ZNRF1: variants seen among roughly 807,000 people sequenced by gnomAD.
ZNRF1 encodes E3 ubiquitin-protein ligase ZNRF1.
ZNRF1 carries 3 observed loss-of-function variants against 18.4 expected under a neutral mutation model. The ratio of observed to expected loss-of-function variants is 0.16; its 90% CI spans 0.07 to 0.42. The LOEUF (loss-of-function observed/expected upper bound fraction) is 0.42. Ranked by LOEUF, ZNRF1 falls within the 10% of genes least tolerant of loss-of-function variation. ZNRF1 has a pLI of 0.99. For missense variants in ZNRF1, 310 were observed against 329.8 expected, an observed-to-expected ratio of 0.94 and a Z score of 0.47; for synonymous variants, 157 against 144.2, an observed-to-expected ratio of 1.09 and a Z score of -0.64.
At chr16:75,085,819 T>TGAGAGAGA (rs1054739310) in intron 1 of ZNRF1, among the ~76,000 whole-genome samples, 2 of 56,036 alleles carry the variant, frequency 3.6e-5, no homozygotes, top group African/African-American at 1.1e-4. Context: ...AGAGAGAGAG[T>TGAGAGAGA]GAGTGTGTGT....
intron 1 of ZNRF1, among the ~76,000 whole-genome samples, chr16:75,048,433 A>G (rs1241515289): frequency 6.6e-6 from 1 of 152,220 alleles, no homozygotes; most frequent in Admixed American, 6.5e-5. Context: ...CTAACATTGA[A>G]TAATGCTGGC....
intron 1 of ZNRF1, among the ~76,000 whole-genome samples, chr16:75,020,608 C>T (rs997246752): frequency 6.6e-6 from 1 of 151,880 alleles, no homozygotes; most frequent in East Asian, 1.9e-4. Flanking sequence ...GTGGCGCGAT[C>T]TTGGCTCACT....
chr16:75,095,658 CT>C lies in ZNRF1; in HGVS notation c.520+1994del, dbSNP rs781479862. On this transcript the variant is annotated intron_variant, in intron 2 of 4. Coordinates refer to ENST00000335325, the MANE Select transcript of ZNRF1 (RefSeq NM_032268.5). ...GAGAAAACCTGGCTCTCAGGAAGAACTTTGCAAGAGCAGCCGTGGAGGACAG... is the reference window on the plus strand; with the variant it reads ...GAGAAAACCTGGCTCTCAGGAAGAACTTGCAAGAGCAGCCGTGGAGGACAG... The C allele has an allele frequency of 5.5e-5, 86 of 1,550,210 alleles. No individual in the cohort carries two copies. The South Asian group carries it at 9.3e-4, about 17-fold the overall frequency.
intron 2 of ZNRF1, among the ~76,000 whole-genome samples, chr16:75,098,060 T>TGGGCTGGAGTCAGGCTGGAC (rs1333888828): frequency 1.3e-5 from 2 of 152,198 alleles, no homozygotes; most frequent in Admixed American, 6.5e-5. Flanking sequence ...AGATGCTGGA[T>TGGGCTGGAGTCAGGCTGGAC]GGGCTGGAGT....
intron 1 of ZNRF1, among the ~76,000 whole-genome samples, chr16:75,024,582 A>C (rs1362759243): frequency 1.3e-5 from 2 of 152,240 alleles, no homozygotes; most frequent in African/African-American, 2.4e-5. Context: ...AATCTCAAAC[A>C]AAAAAGATGG....
At chr16:75,003,952 G>A (rs936556143) in intron 1 of ZNRF1, among the ~76,000 whole-genome samples, 1 of 137,654 alleles carries the variant, frequency 7.3e-6, no homozygotes. Flanking sequence ...GCCTTCAATC[G>A]CCTCAGATTT....
chr16:75,042,753 GC>G (rs550831386), intron 1 of ZNRF1, among the ~76,000 whole-genome samples: 7 of 152,156 alleles, frequency 4.6e-5, no homozygotes, highest in Non-Finnish European at 1.0e-4. Flanking sequence ...TTTAGGATCA[GC>G]CTGTTGATTT....
Position 75,023,806 on chromosome 16 carries a change from T to C in ZNRF1, c.424+23711T>C, listed in dbSNP as rs144704964. Among the ~76,000 whole-genome samples, 539 of 152,194 alleles carry C rather than the reference T, an allele frequency of 3.5e-3. 6 individuals are homozygous for C. Among genetic ancestry groups the C allele is most frequent in the African/African-American group, 0.012 (507 of 41,554 alleles). ...TCTTTGGCCATGGCTGACACTGTTA[T>C]AATTTACCTCACTGTTTATTATGGA... On this transcript the variant is annotated intron_variant, in intron 1 of 4. Coordinates refer to ENST00000335325, the MANE Select transcript of ZNRF1 (RefSeq NM_032268.5).
chr16:75,043,614 G>C (rs2035476838), intron 1 of ZNRF1, among the ~76,000 whole-genome samples: 1 of 151,922 alleles, frequency 6.6e-6, no homozygotes, highest in African/African-American at 2.4e-5. Flanking sequence ...GATAAGACAT[G>C]GTTCTTGCCC....
chr16:75,041,264 G>A (rs1320702981), intron 1 of ZNRF1, among the ~76,000 whole-genome samples: 1 of 152,250 alleles, frequency 6.6e-6, no homozygotes, highest in East Asian at 1.9e-4. Flanking sequence ...GTGTATTGTT[G>A]ACTTACGGAT....
chr16:75,081,051 T>C (rs1567489607), intron 1 of ZNRF1, among the ~76,000 whole-genome samples: 1 of 151,394 alleles, frequency 6.6e-6, no homozygotes, highest in African/African-American at 2.4e-5. Flanking sequence ...TGCGCGCCTG[T>C]AGTTCCAGCT....
At chr16:75,041,329 T>A (rs1318727892) in intron 1 of ZNRF1, among the ~76,000 whole-genome samples, 1 of 152,078 alleles carries the variant, frequency 6.6e-6, no homozygotes, top group Non-Finnish European at 1.5e-5. Flanking sequence ...TAATTTATTT[T>A]ATTTATTTAT....
rs1398938083 is a variant in ZNRF1 at position 75,107,795 on chromosome 16, G to A, written c.*95G>A. ...GACCCTGGGGCAGAGCTGAGCTTGG[G>A]ACACCAGCGGGAACAGGGCACCCCT... On this transcript the variant is annotated 3_prime_UTR_variant, in exon 5 of 5. Transcript: ENST00000335325. 6.6e-6 allele frequency: 3 copies of A among 456,372 alleles called. No homozygotes were observed. Among genetic ancestry groups the A allele is most frequent in the Non-Finnish European group, 1.3e-5 (3 of 226,804 alleles). 28.3% of individuals were successfully genotyped at this position (456,372 alleles called of 1,614,324 possible).
intron 1 of ZNRF1, among the ~76,000 whole-genome samples, chr16:75,046,092 C>T (rs1016654552): frequency 2.0e-5 from 3 of 150,692 alleles, no homozygotes; most frequent in South Asian, 2.1e-4. Context: ...TTAGTAGAAA[C>T]GGGGTTTCAC....
rs535887910 is a variant in ZNRF1, at chr16:75,062,519, C to G, written c.425-31053C>G. On this transcript the variant is annotated intron_variant, in intron 1 of 4. Coordinates refer to ENST00000335325, the MANE Select transcript of ZNRF1 (RefSeq NM_032268.5). ...CTTTACCTTTCCACAGCAGCTTTGG[C>G]CGCATGCCCCCGAGCTCCCTTTGTC... is the stretch of plus-strand genomic sequence containing the variant. Among the ~76,000 whole-genome samples, 6 of 152,354 alleles carry G rather than the reference C, an allele frequency of 3.9e-5. No homozygotes were observed. In the South Asian group the frequency reaches 1.2e-3, roughly 32 times the overall value.
At chr16:75,051,192 A>G (rs990580711) in intron 1 of ZNRF1, among the ~76,000 whole-genome samples, 6 of 150,260 alleles carry the variant, frequency 4.0e-5, no homozygotes, top group African/African-American at 2.4e-5. Context: ...CTCCACTACT[A>G]CCCACCTCCA....
intron 1 of ZNRF1, among the ~76,000 whole-genome samples, chr16:75,081,448 T>C (rs899682753): frequency 6.6e-6 from 1 of 152,218 alleles, no homozygotes. Flanking sequence ...CAGTTTTTAT[T>C]GTTGCCTTTG....
rs2036294290 is a variant in ZNRF1 at position 75,104,768 on chromosome 16, CCT to C, written c.521-15_521-14del. The C allele has an allele frequency of 1.3e-6, 2 of 1,583,846 alleles. No individual in the cohort carries two copies. Among genetic ancestry groups the C allele is most frequent in the South Asian group, 1.2e-5 (1 of 86,366 alleles). ...GGTGACTAACCCTCCTGCACTCTCCCCTGTCCCCCTTGCAGATGATGTGCTGA... is the reference window on the plus strand; with the variant it reads ...GGTGACTAACCCTCCTGCACTCTCCCGTCCCCCTTGCAGATGATGTGCTGA... On this transcript the variant is annotated splice_polypyrimidine_tract_variant and intron_variant, in intron 2 of 4. Transcript: ENST00000335325.
chr16:75,052,716 C>A (rs1365164201), intron 1 of ZNRF1, among the ~76,000 whole-genome samples: 2 of 152,142 alleles, frequency 1.3e-5, no homozygotes, highest in Non-Finnish European at 2.9e-5. Context: ...AGTGAACACC[C>A]ATATAACCAC....
Sources: gnomAD v4.1 joint callset for allele counts (sites outside exome capture counted in the v4.1 genomes callset) on GRCh38, gnomAD v4.1.1 for gene constraint, MANE v1.5 for transcripts, NCBI Gene and HGNC (gene_info 2026-07-23, HGNC 2026-07-21) for gene names.